Variants in STK39 observed in about 807,000 individuals in gnomAD.
The protein encoded by STK39 is STE20/SPS1-related proline-alanine-rich protein kinase.
Under a neutral mutation model 77.8 loss-of-function variants are expected in STK39, and 20 were observed. The observed-to-expected ratio is 0.26, with a 90% CI of 0.18 to 0.37. The LOEUF is 0.37. Ranked by LOEUF, STK39 falls within the 10% of genes least tolerant of loss-of-function variation. The pLI, the probability that STK39 is intolerant of heterozygous loss-of-function variation, is 1.00. For synonymous variants in STK39, 246 were observed against 234.1 expected, an observed-to-expected ratio of 1.05 and a Z score of -0.47; for missense variants, 479 against 656.5, an observed-to-expected ratio of 0.73 and a Z score of 2.95.
chr2:167,957,794 A>C (rs900792025), intron 17 of STK39, among the ~76,000 whole-genome samples: 4 of 152,244 alleles, frequency 2.6e-5, no homozygotes, highest in African/African-American at 9.6e-5. Flanking sequence ...AAATGAGAAT[A>C]TTAAATCCTT....
intron 1 of STK39, among the ~76,000 whole-genome samples, chr2:168,184,964 C>T (rs6734481): frequency 6.6e-6 from 1 of 151,910 alleles, no homozygotes; most frequent in African/African-American, 2.4e-5. Context: ...ATAATACCAA[C>T]ACTGTCTTGC....
chr2:168,058,051 T>C (rs1290255134), intron 14 of STK39, among the ~76,000 whole-genome samples: 7 of 152,216 alleles, frequency 4.6e-5, no homozygotes, highest in Non-Finnish European at 8.8e-5. Flanking sequence ...AATATTCTCA[T>C]TGAGCTATCA....
At chr2:168,104,524 T>C (rs557999200) in intron 10 of STK39, among the ~76,000 whole-genome samples, 2 of 152,318 alleles carry the variant, frequency 1.3e-5, no homozygotes, top group South Asian at 2.1e-4. Context: ...CATGTGTGTA[T>C]GTATGTGTGT....
At chr2:168,091,201 T>C (rs1240685612) in intron 10 of STK39, among the ~76,000 whole-genome samples, 1 of 150,656 alleles carries the variant, frequency 6.6e-6, no homozygotes, top group East Asian at 1.9e-4. Context: ...AGCACAGACT[T>C]AAACTCTGGT....
chr2:168,020,807 A>G (rs1684551308), intron 14 of STK39, among the ~76,000 whole-genome samples: 1 of 152,088 alleles, frequency 6.6e-6, no homozygotes, highest in South Asian at 2.1e-4. Context: ...TGAATGGCAG[A>G]GTGAAGGCCA....
intron 16 of STK39, among the ~76,000 whole-genome samples, chr2:167,989,737 AATTAAGTG>A (rs1215282997): frequency 1.3e-5 from 2 of 152,242 alleles, no homozygotes; most frequent in Non-Finnish European, 2.9e-5. Flanking sequence ...CACTTAGTCC[AATTAAGTG>A]TTATTTATGT....
intron 10 of STK39, among the ~76,000 whole-genome samples, chr2:168,111,602 G>A (rs1353171490): frequency 2.0e-5 from 3 of 152,082 alleles, no homozygotes. Flanking sequence ...CTGTGCTGTT[G>A]ATAAAATGAC....
chr2:168,009,808 A>G (rs938940203), intron 16 of STK39, among the ~76,000 whole-genome samples: 3 of 152,232 alleles, frequency 2.0e-5, no homozygotes, highest in African/African-American at 7.2e-5. Context: ...CAAGCTGAAG[A>G]GTTTTTGGAA....
At chr2:168,231,155 G>A (rs1469035040) in intron 1 of STK39, among the ~76,000 whole-genome samples, 1 of 152,116 alleles carries the variant, frequency 6.6e-6, no homozygotes, top group Non-Finnish European at 1.5e-5. Context: ...ACAACTAACA[G>A]CACTGTCATG....
At chr2:168,018,002 T>C (rs1684458428) in intron 14 of STK39, among the ~76,000 whole-genome samples, 1 of 152,204 alleles carries the variant, frequency 6.6e-6, no homozygotes, top group South Asian at 2.1e-4. Flanking sequence ...TACATGTATA[T>C]GCAATTTAAA....
intron 14 of STK39, among the ~76,000 whole-genome samples, chr2:168,046,949 AAACTT>A (rs1685259494): frequency 6.6e-6 from 1 of 152,214 alleles, no homozygotes; most frequent in African/African-American, 2.4e-5. Flanking sequence ...AAGAAACATA[AAACTT>A]CTGTTTTGTT....
At chr2:167,958,448 A>T (rs1473885344) in intron 17 of STK39, among the ~76,000 whole-genome samples, 1 of 152,196 alleles carries the variant, frequency 6.6e-6, no homozygotes, top group East Asian at 1.9e-4. Context: ...ACATACAAAC[A>T]TAAATAAAAT....
chr2:167,961,110 T>C (rs1251821103), intron 17 of STK39, among the ~76,000 whole-genome samples: 1 of 152,226 alleles, frequency 6.6e-6, no homozygotes, highest in East Asian at 1.9e-4. Flanking sequence ...TGAAGATCTT[T>C]GTCTCACTTT....
At chr2:167,974,649 CTG>C (rs143195103) in intron 16 of STK39, among the ~76,000 whole-genome samples, 4,708 of 152,158 alleles carry the variant, frequency 0.031, 231 homozygotes, top group East Asian at 0.2. Context: ...AATTTGTCAA[CTG>C]TGTTTTTAAC....
intron 10 of STK39, among the ~76,000 whole-genome samples, chr2:168,117,453 A>G (rs1457527338): frequency 6.6e-6 from 1 of 152,220 alleles, no homozygotes; most frequent in African/African-American, 2.4e-5. Flanking sequence ...GACACCATCC[A>G]TGCTCCACAA....
Position 168,247,285 on chromosome 2 carries a change from CCGCCGGGGCCGGGGCCGG to C in STK39, c.133_150del (p.Pro45_Ala50del), listed in dbSNP as rs1044201988. 6.1e-6 allele frequency: 5 copies of C among 818,610 alleles called. No individual in the cohort carries two copies. Among genetic ancestry groups the C allele is most frequent in the Non-Finnish European group, 7.5e-6 (5 of 663,824 alleles). The allele number at this position is 818,610 out of a possible 1,614,324, so 50.7% of individuals were successfully genotyped here. Reference sequence around the variant, plus strand: ...CAGATGGGCCAGCCGACAGCCTGTGCCGCCGGGGCCGGGGCCGGGGCCGGGGCCGCGGGAGCTGCCGGG... The same window carrying C: ...CAGATGGGCCAGCCGACAGCCTGTGCGGCCGGGGCCGCGGGAGCTGCCGGG... On this transcript the variant is annotated inframe_deletion, in exon 1 of 18. Transcript: ENST00000355999.
intron 1 of STK39, among the ~76,000 whole-genome samples, chr2:168,192,102 G>C (rs537822532): frequency 1.3e-5 from 2 of 152,286 alleles, no homozygotes; most frequent in Admixed American, 1.3e-4. Flanking sequence ...TGCTGGCAGA[G>C]GGAAAGACCC....
At chr2:167,959,555 G>T (rs562600404) in intron 17 of STK39, among the ~76,000 whole-genome samples, 7 of 151,992 alleles carry the variant, frequency 4.6e-5, no homozygotes, top group Non-Finnish European at 7.4e-5. Flanking sequence ...GTTTCATGAA[G>T]AAAGAAAAAA....
At chr2:168,086,291 C>T (rs76007557) in intron 10 of STK39, among the ~76,000 whole-genome samples, 2,266 of 152,168 alleles carry the variant, frequency 0.015, 54 homozygotes, top group African/African-American at 0.052. Context: ...GTGTATACTC[C>T]AGGCCTCTGA....
Sources: gnomAD v4.1 joint callset for allele counts (sites outside exome capture counted in the v4.1 genomes callset) on GRCh38, gnomAD v4.1.1 for gene constraint, MANE v1.5 for transcripts, NCBI Gene and HGNC (gene_info 2026-07-23, HGNC 2026-07-21) for gene names.